The following CELF1 variants were observed in gnomAD, a reference collection of about 807,000 sequenced individuals.
CELF1 encodes the protein 50 kDa nuclear polyadenylated RNA-binding protein.
A neutral mutation model predicts 61.8 loss-of-function variants in CELF1; 10 were observed. That is an observed-to-expected ratio of 0.16 (90% confidence interval 0.10 to 0.27). The LOEUF is 0.27. Among genes scored for constraint, CELF1 ranks in the 10% least tolerant of loss-of-function variants. The pLI, the probability that CELF1 is intolerant of heterozygous loss-of-function variation, is 1.00. For synonymous variants in CELF1, 236 were observed against 225.1 expected (o/e 1.05, Z -0.43); for missense variants, 380 against 639.1 (o/e 0.59, Z 4.37).
chr11:47,547,674 AAAAAAAAAAG>A (rs962629685), intron 1 of CELF1, among the ~76,000 whole-genome samples: 4 of 148,916 alleles, frequency 2.7e-5, no homozygotes, highest in South Asian at 2.2e-4. Context: ...CATCTCAAAA[AAAAAAAAAAG>A]AAAAAAAAAA....
intron 4 of CELF1, 99 bp downstream of exon 4, chr11:47,488,737 TA>T: frequency 1.1e-6 from 1 of 946,496 alleles, no homozygotes; most frequent in Non-Finnish European, 1.5e-6. Flanking sequence ...AAATTACATA[TA>T]AAAATCCAAT....
chr11:47,489,932 C>CTTTTTTTTTTTTTTTTTT (rs530410346), intron 3 of CELF1, among the ~76,000 whole-genome samples: 46 of 23,412 alleles, frequency 2.0e-3, no homozygotes, highest in Non-Finnish European at 2.7e-3. Flanking sequence ...AACATACCAT[C>CTTTTTTTTTTTTTTTTTT]TTGTTTTTTT....
chr11:47,555,186 C>A (rs1983339), upstream of CELF1, among the ~76,000 whole-genome samples: 151,570 of 152,322 alleles, frequency 1, 75,417 homozygotes, highest in Middle Eastern at 1. Context: ...CAAAATGTTG[C>A]GCCTTTAGAA....
intron 2 of CELF1, chr11:47,499,839 T>G (rs1023487910): frequency 3.8e-6 from 1 of 264,620 alleles, no homozygotes; most frequent in Non-Finnish European, 7.2e-6. Flanking sequence ...GTCAGATAAA[T>G]AGTGTCAGAT....
chr11:47,537,595 A>G (rs929635537), intron 1 of CELF1, among the ~76,000 whole-genome samples: 1 of 151,864 alleles, frequency 6.6e-6, no homozygotes, highest in African/African-American at 2.4e-5. Flanking sequence ...AGCTGCTTAC[A>G]TTTTTTTTCC....
intron 1 of CELF1, 27 bp downstream of exon 1, chr11:47,552,965 C>A (rs1399646967): frequency 2.5e-6 from 1 of 397,828 alleles, no homozygotes; most frequent in Non-Finnish European, 4.4e-6. Context: ...CTCCCGCGGC[C>A]CGTTATCCTG....
chr11:47,537,908 TTTTTC>T (rs1311133019), intron 1 of CELF1, among the ~76,000 whole-genome samples: 3 of 151,866 alleles, frequency 2.0e-5, no homozygotes, highest in Non-Finnish European at 4.4e-5. Context: ...TGTTTTCTTT[TTTTTC>T]TTTTCTTTTT....
At chr11:47,489,935 G>GTTTTTTTATTTTTTTTTTTT (rs2090255781) in intron 3 of CELF1, among the ~76,000 whole-genome samples, 1 of 48,226 alleles carries the variant, frequency 2.1e-5, no homozygotes, top group Non-Finnish European at 3.9e-5. Context: ...ATACCATCTT[G>GTTTTTTTATTTTTTTTTTTT]TTTTTTTTTT....
intron 12 of CELF1, 136 bp downstream of exon 12, chr11:47,476,710 G>A (rs780467976): frequency 2.4e-4 from 163 of 683,058 alleles, no homozygotes; most frequent in Admixed American, 4.3e-4. Flanking sequence ...AGAGGTGTGA[G>A]CCACCACACC....
chr11:47,524,711 C>T (rs1291771639), intron 1 of CELF1: 1 of 152,168 alleles, frequency 6.6e-6, no homozygotes, highest in Admixed American at 6.6e-5. Flanking sequence ...ATATAGCAAG[C>T]TAAAAAGTGG....
chr11:47,507,445 C>T (rs1200820566), intron 1 of CELF1, among the ~76,000 whole-genome samples: 1 of 151,052 alleles, frequency 6.6e-6, no homozygotes. Context: ...CCTAGGGTGG[C>T]GGTGAACCAC....
At chr11:47,491,365 G>A (rs748976517) in intron 3 of CELF1, among the ~76,000 whole-genome samples, 1 of 152,056 alleles carries the variant, frequency 6.6e-6, no homozygotes, top group Non-Finnish European at 1.5e-5. Context: ...GTTTAGCCAT[G>A]TTGGCCAGGC....
At chr11:47,536,395 T>C (rs560731800) in intron 1 of CELF1, among the ~76,000 whole-genome samples, 6 of 152,148 alleles carry the variant, frequency 3.9e-5, no homozygotes, top group Non-Finnish European at 7.4e-5. Flanking sequence ...GACAGACTGA[T>C]AGATAGTTTC....
rs34223231 is a variant in CELF1 at position 47,561,137 on chromosome 11, C to CAA, written c.-11+3212_-11+3213dup. Among the ~76,000 whole-genome samples the CAA allele has an allele frequency of 7.5e-3, 795 of 105,918 alleles. 12 individuals are homozygous for CAA. The highest frequency in any genetic ancestry group is 0.016 in the African/African-American group (413 of 26,398). The allele number at this position is 105,918 out of a possible 152,430, so 69.5% of individuals were successfully genotyped here. ...TGGGCAACAGAGTGAGACTCTGTCT[C>CAA]AAAAAAAAAAAAAAAAAGTGTATTT... On this transcript the variant is annotated intron_variant, in intron 2 of 3. Transcript: ENST00000525841.
intron 1 of CELF1, among the ~76,000 whole-genome samples, chr11:47,532,609 GT>G (rs1300403938): frequency 6.6e-6 from 1 of 152,174 alleles, no homozygotes; most frequent in Non-Finnish European, 1.5e-5. Context: ...CAATGTGTGG[GT>G]AGAAACAACA....
At chr11:47,486,144 G>C (rs2086869066) in intron 6 of CELF1, among the ~76,000 whole-genome samples, 1 of 12,498 alleles carries the variant, frequency 8.0e-5, no homozygotes, top group Admixed American at 7.5e-4. Flanking sequence ...CCAGGCAACA[G>C]AGTGAGACTC....
intron 1 of CELF1, among the ~76,000 whole-genome samples, chr11:47,525,940 C>CA (rs11292279): frequency 4.8e-5 from 7 of 146,436 alleles, no homozygotes; most frequent in African/African-American, 1.8e-4. Context: ...AAAAAACAAA[C>CA]AAAAAAAAAA....
At chr11:47,480,294 T>TCC (rs1417605931) in intron 9 of CELF1, among the ~76,000 whole-genome samples, 1 of 151,948 alleles carries the variant, frequency 6.6e-6, no homozygotes, top group African/African-American at 2.4e-5. Flanking sequence ...ACCATGTTGG[T>TCC]CAGGCTGGTC....
intron 1 of CELF1, among the ~76,000 whole-genome samples, chr11:47,546,016 T>C (rs2096936579): frequency 6.6e-6 from 1 of 151,170 alleles, no homozygotes. Context: ...GTTCACGCCA[T>C]TCTCCTGCCT....
Sources: allele counts gnomAD v4.1 joint callset (sites outside exome capture counted in the v4.1 genomes callset), GRCh38; gene constraint gnomAD v4.1.1; transcripts MANE v1.5; gene names NCBI Gene and HGNC (gene_info 2026-07-23, HGNC 2026-07-21).